The following MRE11 variants were observed in gnomAD, a reference collection of about 807,000 sequenced individuals.
The protein encoded by MRE11 is double-strand break repair protein MRE11.
Under a neutral mutation model 91.7 loss-of-function variants are expected in MRE11, and 62 were observed. The observed-to-expected ratio is 0.68, with a 90% CI of 0.55 to 0.84. MRE11 has a LOEUF of 0.84. Among genes scored for constraint, MRE11 ranks in the 40% least tolerant of loss-of-function variants. The pLI is 0.00. For missense variants in MRE11, 796 were observed against 852.9 expected (o/e 0.93, Z 0.83); for synonymous variants, 273 against 271.4 (o/e 1.01, Z -0.06).
At chr11:94,432,059 T>G (rs1945475842) in intron 18 of MRE11, among the ~76,000 whole-genome samples, 1 of 152,168 alleles carries the variant, frequency 6.6e-6, no homozygotes, top group African/African-American at 2.4e-5. Context: ...GGGCCCTTAC[T>G]TCCTTCCAAA....
intron 2 of MRE11, 51 bp from the exon 3 acceptor site, chr11:94,491,016 A>T (rs1291095298): frequency 9.3e-7 from 1 of 1,079,714 alleles, no homozygotes; most frequent in African/African-American, 1.6e-5. Flanking sequence ...TCATTAAAGG[A>T]TATTCAAACA....
intron 19 of MRE11, among the ~76,000 whole-genome samples, chr11:94,421,309 T>A (rs1427716663): frequency 6.6e-6 from 1 of 152,246 alleles, no homozygotes; most frequent in East Asian, 1.9e-4. Flanking sequence ...TTGTTGGTGG[T>A]ATCAGCACTT....
In MRE11 at chr11:94,461,317, G is replaced by GT. The variant is rs548088491; in HGVS notation, c.1226-282dup. 1.4e-4 allele frequency among the ~76,000 whole-genome samples: 21 copies of GT among 152,314 alleles called. No homozygotes were observed. The South Asian group carries it at 1.9e-3, about 14-fold the overall frequency. On this transcript the variant is annotated intron_variant, in intron 11 of 19. Coordinates refer to ENST00000323929, the MANE Select transcript of MRE11 (RefSeq NM_005591.4). ...GAGGTCCTCAAGACCCATTCAGGGA[G>GT]TAATAACGTCAAAAATACTTTCATA... is the stretch of plus-strand genomic sequence containing the variant.
At position 94,419,494 on chromosome 11, in the gene MRE11, G is replaced by GAGAA; in HGVS notation, c.*630_*631insTTCT. 4.3e-6 allele frequency: 1 copy of GAGAA among 231,696 alleles called. No homozygotes were observed. The highest frequency in any genetic ancestry group is 1.8e-4 in the South Asian group (1 of 5,468). The allele number at this position is 231,696 out of a possible 1,614,324, so 14.4% of individuals were successfully genotyped here. A position where few individuals can be genotyped will look rare whatever the true frequency, so the allele number is the denominator to read the frequency against. On this transcript the variant is annotated 3_prime_UTR_variant, in exon 20 of 20. Coordinates refer to ENST00000323929, the MANE Select transcript of MRE11 (RefSeq NM_005591.4). ...AGAGAGAGAGAGAGAGAGAGAGAGA[G>GAGAA]AACACCATTAAGGATACAGAATAAT... is the stretch of plus-strand genomic sequence containing the variant.
chr11:94,466,076 T>C (rs1427813042), intron 10 of MRE11, among the ~76,000 whole-genome samples: 2 of 152,042 alleles, frequency 1.3e-5, no homozygotes, highest in Middle Eastern at 3.2e-3. Flanking sequence ...GAAGAAGGTA[T>C]AGAGAAAGGA....
upstream of MRE11, chr11:94,498,579 G>A (rs1484808325): frequency 6.8e-7 from 1 of 1,464,342 alleles, no homozygotes; most frequent in South Asian, 1.3e-5. Context: ...TGCCTCCTGT[G>A]TGTGAGATGT....
rs142258599 is a variant in MRE11 at position 94,465,340 on chromosome 11, T to C, written c.1099-1101A>G. Among the ~76,000 whole-genome samples the C allele has an allele frequency of 7.2e-5, 11 of 152,172 alleles. No individual in the cohort carries two copies. In the East Asian group the frequency reaches 1.7e-3, roughly 24 times the overall value. ...TCTTTTGCCATAATGAAGAGAACTA[T>C]GTGATTCCCTTAAAGTAATTATTTT... On this transcript the variant is annotated intron_variant, in intron 10 of 19. Coordinates refer to ENST00000323929, the MANE Select transcript of MRE11 (RefSeq NM_005591.4).
At chr11:94,463,403 C>T (rs1946474207) in intron 11 of MRE11, among the ~76,000 whole-genome samples, 1 of 152,130 alleles carries the variant, frequency 6.6e-6, no homozygotes, top group South Asian at 2.1e-4. Context: ...ACTAGAAATA[C>T]CATTTGACCC....
Position 94,430,001 on chromosome 11 carries a change from A to C in MRE11, c.1995-15T>G. 6.2e-7 allele frequency: 1 copy of C among 1,613,290 alleles called. No individual in the cohort carries two copies. Among genetic ancestry groups the C allele is most frequent in the Non-Finnish European group, 8.5e-7 (1 of 1,179,288 alleles). The stretch of plus-strand genomic sequence containing the variant: ...TGCTGGACCACCTGAGGCAAAACAA[A>C]AACAAAAACAAACACAATGAACTAC... On this transcript the variant is annotated splice_polypyrimidine_tract_variant and intron_variant, in intron 18 of 19. Coordinates refer to ENST00000323929, the MANE Select transcript of MRE11 (RefSeq NM_005591.4).
the MRE11 span, among the ~76,000 whole-genome samples, chr11:94,510,579 A>G: frequency 0.012 from 1,893 of 152,348 alleles, 44 homozygotes; most frequent in African/African-American, 0.042. Flanking sequence ...ATATAAACCC[A>G]TATTAGGTAA....
chr11:94,428,047 A>C (rs933599991), intron 19 of MRE11, among the ~76,000 whole-genome samples: 1 of 152,248 alleles, frequency 6.6e-6, no homozygotes, highest in Admixed American at 6.5e-5. Context: ...ACTATTCTAA[A>C]ATTCACATGG....
intron 19 of MRE11, among the ~76,000 whole-genome samples, chr11:94,421,030 T>A (rs1457969470): frequency 2.0e-5 from 3 of 147,492 alleles, no homozygotes; most frequent in Non-Finnish European, 4.5e-5. Context: ...AGAGACTCCA[T>A]CTCAAAAAAA....
chr11:94,428,859 A>G (rs1017796770), intron 19 of MRE11, among the ~76,000 whole-genome samples: 1 of 151,958 alleles, frequency 6.6e-6, no homozygotes, highest in Non-Finnish European at 1.5e-5. Flanking sequence ...GCGAAACTCC[A>G]TGTCAAAAAA....
At chr11:94,427,346 C>T (rs1180411284) in intron 19 of MRE11, among the ~76,000 whole-genome samples, 3 of 152,072 alleles carry the variant, frequency 2.0e-5, no homozygotes, top group African/African-American at 4.8e-5. Context: ...TCCAACATCC[C>T]TTCATGATAA....
At chr11:94,436,187 A>C (rs1283700563) in intron 17 of MRE11, among the ~76,000 whole-genome samples, 2 of 152,192 alleles carry the variant, frequency 1.3e-5, no homozygotes, top group African/African-American at 4.8e-5. Flanking sequence ...GCTCATATGC[A>C]GACCTTATGA....
At chr11:94,421,015 G>A (rs1169749161) in intron 19 of MRE11, among the ~76,000 whole-genome samples, 1 of 150,246 alleles carries the variant, frequency 6.7e-6, no homozygotes, top group Non-Finnish European at 1.5e-5. Context: ...CTCGGCGACA[G>A]AGCGAGAGAC....
chr11:94,421,757 G>A (rs13447729), intron 19 of MRE11, among the ~76,000 whole-genome samples: 2,586 of 152,294 alleles, frequency 0.017, 83 homozygotes, highest in African/African-American at 0.059. Context: ...AGGCTACAAC[G>A]TAGATAAACC....
At chr11:94,488,728 G>T (rs769971622) in intron 3 of MRE11, among the ~76,000 whole-genome samples, 1 of 152,064 alleles carries the variant, frequency 6.6e-6, no homozygotes, top group Non-Finnish European at 1.5e-5. Context: ...CTTGTAAGTG[G>T]GAGCTAAATG....
At chr11:94,476,221 G>C in intron 7 of MRE11, 68 bp downstream of exon 7, 1 of 969,272 alleles carries the variant, frequency 1.0e-6, no homozygotes, top group East Asian at 2.4e-5. Flanking sequence ...CACTAAAATA[G>C]GTAAGCTCAG....
Sources: allele counts gnomAD v4.1 joint callset (sites outside exome capture counted in the v4.1 genomes callset), GRCh38; gene constraint gnomAD v4.1.1; transcripts MANE v1.5; gene names NCBI Gene and HGNC (gene_info 2026-07-23, HGNC 2026-07-21).